The following EFCAB11 variants were observed in gnomAD, a reference collection of about 807,000 sequenced individuals.
EFCAB11 encodes EF-hand calcium-binding domain-containing protein 11.
EFCAB11 carries 14 observed loss-of-function variants against 23.0 expected under a neutral mutation model. The ratio of observed to expected loss-of-function variants is 0.61; its 90% CI spans 0.40 to 0.95. The LOEUF is 0.95. EFCAB11 is among the 40% of genes least tolerant of loss of function. The pLI is 0.00. For synonymous variants in EFCAB11, 65 were observed against 66.6 expected (o/e 0.98, Z 0.11); for missense variants, 198 against 195.8 (o/e 1.01, Z -0.07).
At position 89,947,717 on chromosome 14, in the gene EFCAB11, C is replaced by T. The variant is rs1033780506; in HGVS notation, c.217+2380G>A. 2.3e-4 allele frequency among the ~76,000 whole-genome samples: 35 copies of T among 152,244 alleles called. 1 individual carries two copies. The highest frequency in any genetic ancestry group is 1.3e-4 in the Non-Finnish European group (9 of 68,006). ...TTTTCCTCTTGCCCCTCTGTCACTC[C>T]TAAGTCTCCTTTGCCATTTCTTCAT... is the stretch of plus-strand genomic sequence containing the variant. On this transcript the variant is annotated intron_variant, in intron 3 of 5. Transcript: ENST00000316738.
intron 5 of EFCAB11, among the ~76,000 whole-genome samples, chr14:89,857,488 T>C (rs1887789573): frequency 6.7e-6 from 1 of 149,898 alleles, no homozygotes; most frequent in Non-Finnish European, 1.5e-5. Context: ...TAACACCCTA[T>C]AGCTGTTACT....
chr14:89,917,439 T>C (rs1018320877), intron 5 of EFCAB11, among the ~76,000 whole-genome samples: 3 of 152,252 alleles, frequency 2.0e-5, no homozygotes, highest in African/African-American at 7.2e-5. Flanking sequence ...TTTTTAAGGC[T>C]GAATAATATT....
At chr14:89,802,713 A>T (rs1885828634) in intron 5 of EFCAB11, among the ~76,000 whole-genome samples, 1 of 152,102 alleles carries the variant, frequency 6.6e-6, no homozygotes, top group Non-Finnish European at 1.5e-5. Context: ...AATTTTATAA[A>T]CATTTATATT....
At chr14:89,844,937 T>G in intron 5 of EFCAB11, among the ~76,000 whole-genome samples, 1 of 148,690 alleles carries the variant, frequency 6.7e-6, no homozygotes, top group South Asian at 2.1e-4. Flanking sequence ...TCTCGCACTG[T>G]GGGTGTGTTG....
rs1358830764 is a variant in EFCAB11 at position 89,902,159 on chromosome 14, T to C, written c.410+29382A>G. ...TTTTCTTTTAGTTTCTCAGTCCCTC[T>C]AGGCTTATACCCATCTCAGACCCTT... On this transcript the variant is annotated intron_variant, in intron 5 of 5. Coordinates refer to ENST00000316738, the MANE Select transcript of EFCAB11 (RefSeq NM_145231.4). 2.0e-5 allele frequency among the ~76,000 whole-genome samples: 3 copies of C among 152,176 alleles called. No individual in the cohort carries two copies. The East Asian group carries it at 5.8e-4, about 29-fold the overall frequency.
chr14:89,803,772 C>T (rs1566764227), intron 5 of EFCAB11, among the ~76,000 whole-genome samples: 1 of 152,192 alleles, frequency 6.6e-6, no homozygotes, highest in Non-Finnish European at 1.5e-5. Context: ...ATGATGACAG[C>T]CTCTCCCGCA....
At chr14:89,862,523 C>T (rs1004337514) in intron 5 of EFCAB11, among the ~76,000 whole-genome samples, 2 of 152,096 alleles carry the variant, frequency 1.3e-5, no homozygotes, top group South Asian at 2.1e-4. Flanking sequence ...ACATATTTTC[C>T]AAATGGGAAA....
chr14:89,826,764 G>C (rs1361482319), intron 5 of EFCAB11, among the ~76,000 whole-genome samples: 1 of 151,898 alleles, frequency 6.6e-6, no homozygotes, highest in East Asian at 1.9e-4. Context: ...CCACACTTCT[G>C]ACATCATCAT....
chr14:89,875,243 C>A (rs967841598), intron 5 of EFCAB11, among the ~76,000 whole-genome samples: 1 of 152,122 alleles, frequency 6.6e-6, no homozygotes, highest in African/African-American at 2.4e-5. Context: ...AGGGGAACTG[C>A]CCTTTTATAA....
intron 5 of EFCAB11, among the ~76,000 whole-genome samples, chr14:89,878,379 T>C (rs1011592094): frequency 2.0e-5 from 3 of 152,212 alleles, no homozygotes; most frequent in Non-Finnish European, 4.4e-5. Flanking sequence ...CTATTATTTA[T>C]ATAAAGGTAC....
At chr14:89,896,141 T>C (rs1889149145) in intron 5 of EFCAB11, among the ~76,000 whole-genome samples, 1 of 152,134 alleles carries the variant, frequency 6.6e-6, no homozygotes, top group South Asian at 2.1e-4. Flanking sequence ...ATCCCAGCAC[T>C]TTCGGAGGCC....
chr14:89,802,641 C>T (rs1229081061), intron 5 of EFCAB11, among the ~76,000 whole-genome samples: 14 of 152,178 alleles, frequency 9.2e-5, no homozygotes. Flanking sequence ...GATCCTCCTG[C>T]CTTGGCCTCC....
intron 5 of EFCAB11, among the ~76,000 whole-genome samples, chr14:89,890,474 T>C (rs1054958602): frequency 1.3e-5 from 2 of 152,218 alleles, no homozygotes; most frequent in Non-Finnish European, 2.9e-5. Flanking sequence ...TACTCTTTTC[T>C]AACACTTAAT....
intron 5 of EFCAB11, among the ~76,000 whole-genome samples, chr14:89,815,723 C>T (rs574839809): frequency 8.2e-4 from 124 of 152,114 alleles, no homozygotes; most frequent in Admixed American, 3.5e-3. Context: ...CGCGCCCGGC[C>T]GAAATCCTTT....
chr14:89,864,890 C>A (rs1364113461), intron 5 of EFCAB11, among the ~76,000 whole-genome samples: 1 of 152,182 alleles, frequency 6.6e-6, no homozygotes, highest in Non-Finnish European at 1.5e-5. Context: ...AAGGATCCAC[C>A]CACAGCTCCA....
intron 5 of EFCAB11, among the ~76,000 whole-genome samples, chr14:89,918,046 A>G (rs61215922): frequency 0.18 from 27,690 of 152,124 alleles, 5,932 homozygotes; most frequent in African/African-American, 0.52. Flanking sequence ...AGGACAGGGG[A>G]CAACTGGAGG....
intron 2 of EFCAB11, among the ~76,000 whole-genome samples, chr14:89,953,363 T>C (rs1424023274): frequency 1.3e-5 from 2 of 152,212 alleles, no homozygotes; most frequent in Admixed American, 6.5e-5. Flanking sequence ...TATTTACCCA[T>C]TTATGTTTTC....
chr14:89,879,561 T>C (rs1421610531), intron 5 of EFCAB11, among the ~76,000 whole-genome samples: 3 of 151,814 alleles, frequency 2.0e-5, no homozygotes, highest in Non-Finnish European at 4.4e-5. Flanking sequence ...ACAGAAAAAC[T>C]CCCAAACACT....
chr14:89,946,400 CAG>C (rs1230603768), intron 3 of EFCAB11, among the ~76,000 whole-genome samples: 8 of 152,142 alleles, frequency 5.3e-5, no homozygotes, highest in Non-Finnish European at 4.4e-5. Flanking sequence ...CTAGGCAACA[CAG>C]AGTTAGTTGG....
Sources: allele counts gnomAD v4.1 joint callset (sites outside exome capture counted in the v4.1 genomes callset), GRCh38; gene constraint gnomAD v4.1.1; transcripts MANE v1.5; gene names NCBI Gene and HGNC (gene_info 2026-07-23, HGNC 2026-07-21).